SSBP3: variants seen among roughly 807,000 people sequenced by gnomAD.
SSBP3 encodes single stranded DNA binding protein 3, also known as single-stranded DNA-binding protein 3.
Under a neutral mutation model 69.6 loss-of-function variants are expected in SSBP3, and 5 were observed. The observed-to-expected ratio is 0.07, with a 90% confidence interval of 0.04 to 0.15. The LOEUF (loss-of-function observed/expected upper bound fraction) is 0.15. Among genes scored for constraint, SSBP3 ranks in the 10% least tolerant of loss-of-function variants. SSBP3 has a pLI of 1.00. For missense variants in SSBP3, 312 were observed against 534.0 expected (o/e 0.58, Z 4.10); for synonymous variants, 196 against 193.4 (o/e 1.01, Z -0.11).
intron 9 of SSBP3, among the ~76,000 whole-genome samples, chr1:54,250,015 A>C (rs1296007147): frequency 3.3e-5 from 5 of 152,242 alleles, no homozygotes; most frequent in Admixed American, 6.5e-5. Context: ...ATAAAATGTG[A>C]CTGCTGTGTG....
At chr1:54,302,370 A>G (rs1355543079) in intron 4 of SSBP3, among the ~76,000 whole-genome samples, 1 of 149,820 alleles carries the variant, frequency 6.7e-6, no homozygotes, top group Non-Finnish European at 1.5e-5. Context: ...CCCAGGCTGG[A>G]ATGCAGTGGC....
intron 4 of SSBP3, among the ~76,000 whole-genome samples, chr1:54,289,387 G>C (rs184362091): frequency 6.6e-6 from 1 of 151,888 alleles, no homozygotes; most frequent in Admixed American, 6.6e-5. Context: ...GAAACAAGGT[G>C]GGGGGTGGGG....
Position 54,250,541 on chromosome 1 carries a change from T to TG in SSBP3, c.651+1074dup, listed in dbSNP as rs5774179. Among the ~76,000 whole-genome samples the TG allele has an allele frequency of 3.5e-3, 513 of 144,514 alleles. 3 individuals carry two copies. Among genetic ancestry groups the TG allele is most frequent in the Non-Finnish European group, 4.8e-3 (314 of 65,574 alleles). The allele number at this position is 144,514 out of a possible 152,430, so 94.8% of individuals were successfully genotyped here. On this transcript the variant is annotated intron_variant, in intron 9 of 17. Coordinates refer to ENST00000610401, the Ensembl canonical transcript of SSBP3. ...AAAAGGGAGCACGTGTGGGCGGGAA[T>TG]GGGGGGGGGCACTACTCCACCCTCA...
chr1:54,397,875 C>T (rs1271046349), intron 4 of SSBP3, among the ~76,000 whole-genome samples: 2 of 152,192 alleles, frequency 1.3e-5, no homozygotes, highest in Non-Finnish European at 2.9e-5. Flanking sequence ...ACAACAAACC[C>T]CCTTCCCAGA....
At chr1:54,293,945 T>G (rs917370895) in intron 4 of SSBP3, among the ~76,000 whole-genome samples, 1 of 151,876 alleles carries the variant, frequency 6.6e-6, no homozygotes, top group Non-Finnish European at 1.5e-5. Context: ...GAGACCACCC[T>G]GACCAACATG....
intron 4 of SSBP3, among the ~76,000 whole-genome samples, chr1:54,401,443 A>G (rs1649293756): frequency 6.6e-6 from 1 of 152,158 alleles, no homozygotes; most frequent in African/African-American, 2.4e-5. Context: ...GTAGAGCAAG[A>G]GAGTCCATTC....
chr1:54,318,797 G>A (rs1006966743), intron 4 of SSBP3, among the ~76,000 whole-genome samples: 1 of 152,068 alleles, frequency 6.6e-6, no homozygotes, highest in African/African-American at 2.4e-5. Flanking sequence ...AGATATTCCA[G>A]ACTATTATAT....
At chr1:54,316,779 G>C (rs146376156) in intron 4 of SSBP3, among the ~76,000 whole-genome samples, 382 of 151,872 alleles carry the variant, frequency 2.5e-3, no homozygotes, top group Non-Finnish European at 3.7e-3. Flanking sequence ...CCTTCGCGTG[G>C]GTACTTTATA....
chr1:54,290,825 T>C (rs1645592210), intron 4 of SSBP3, among the ~76,000 whole-genome samples: 1 of 152,238 alleles, frequency 6.6e-6, no homozygotes, highest in South Asian at 2.1e-4. Flanking sequence ...CCCCCCTAGA[T>C]GAACACTGCA....
intron 4 of SSBP3, among the ~76,000 whole-genome samples, chr1:54,324,087 C>T (rs957159148): frequency 6.6e-6 from 1 of 152,196 alleles, no homozygotes; most frequent in African/African-American, 2.4e-5. Context: ...AGAGGTTAAG[C>T]GTGTTGCCTG....
chr1:54,404,653 C>T lies in SSBP3; in HGVS notation c.130-16G>A, dbSNP rs751191969. The T allele has an allele frequency of 6.8e-6, 11 of 1,613,784 alleles. No homozygotes were observed. In the Admixed American group the frequency reaches 1.3e-4, roughly 20 times the overall value. ...CCCATCGAATCTGGAAAGGTAAGAG[C>T]AGAAGCAGCTTAGAGGAGCAGAGAC... On this transcript the variant is annotated splice_polypyrimidine_tract_variant and intron_variant, in intron 2 of 17. Coordinates refer to ENST00000610401, the Ensembl canonical transcript of SSBP3.
chr1:54,401,963 A>C lies in SSBP3; in HGVS notation c.192-18T>G, dbSNP rs767552983. On this transcript the variant is annotated intron_variant, in intron 3 of 17. Coordinates refer to ENST00000610401, the Ensembl canonical transcript of SSBP3. ...AAAATACACTGCGAGGAGGAAAATA[A>C]AATAAGGTCAGGTTACTAATTATTA... is the stretch of plus-strand genomic sequence containing the variant. The C allele has an allele frequency of 1.9e-6, 3 of 1,608,040 alleles. No homozygotes were observed. The South Asian group carries it at 3.3e-5, about 18-fold the overall frequency.
chr1:54,389,401 C>T (rs1331409109), intron 4 of SSBP3, among the ~76,000 whole-genome samples: 1 of 152,092 alleles, frequency 6.6e-6, no homozygotes, highest in South Asian at 2.1e-4. Context: ...AAAACCAGCC[C>T]AATCCCTCTA....
chr1:54,339,772 G>A (rs1384152434), intron 4 of SSBP3, among the ~76,000 whole-genome samples: 1 of 152,150 alleles, frequency 6.6e-6, no homozygotes, highest in Non-Finnish European at 1.5e-5. Context: ...AATTAGCCGG[G>A]CATGTTGGCG....
intron 4 of SSBP3, among the ~76,000 whole-genome samples, chr1:54,291,156 C>CT (rs35439741): frequency 0.11 from 16,533 of 151,018 alleles, 957 homozygotes; most frequent in African/African-American, 0.14. Flanking sequence ...CTTCTAGAAA[C>CT]TTTTTTTTTT....
intron 4 of SSBP3, among the ~76,000 whole-genome samples, chr1:54,397,689 C>T (rs1475434434): frequency 6.6e-6 from 1 of 152,158 alleles, no homozygotes; most frequent in African/African-American, 2.4e-5. Flanking sequence ...CATGGAACTC[C>T]ATGTCCATTT....
At chr1:54,367,576 T>G (rs1647048981) in intron 4 of SSBP3, among the ~76,000 whole-genome samples, 1 of 152,198 alleles carries the variant, frequency 6.6e-6, no homozygotes, top group Non-Finnish European at 1.5e-5. Flanking sequence ...GTCCCAGCAC[T>G]CTGGTGCCAG....
intron 4 of SSBP3, among the ~76,000 whole-genome samples, chr1:54,373,271 A>G (rs978058611): frequency 6.6e-6 from 1 of 152,164 alleles, no homozygotes; most frequent in Non-Finnish European, 1.5e-5. Context: ...GAAATTTTCA[A>G]CAGCCTCTGG....
At position 54,258,516 on chromosome 1, in the gene SSBP3, C is replaced by T. The variant is rs1432654870; in HGVS notation, c.367-367G>A. 6.6e-6 allele frequency among the ~76,000 whole-genome samples: 1 copy of T among 152,214 alleles called. No individual in the cohort carries two copies. Reference sequence around the variant, plus strand: ...CAGAGGGAGTACAATGATGCACAGACACAGGGACCCAGGTGCAAAGCACGT... The same window carrying T: ...CAGAGGGAGTACAATGATGCACAGATACAGGGACCCAGGTGCAAAGCACGT... On this transcript the variant is annotated intron_variant, in intron 5 of 17. Transcript: ENST00000610401. The surrounding 1 kb of genome is among the most constrained non-coding windows in gnomAD (Gnocchi z 4.5).
Sources: gnomAD v4.1 joint callset for allele counts (sites outside exome capture counted in the v4.1 genomes callset) on GRCh38, gnomAD v4.1.1 for gene constraint, Gnocchi (gnomAD v3.1) non-coding constraint, MANE v1.5 for transcripts, NCBI Gene and HGNC (gene_info 2026-07-23, HGNC 2026-07-21) for gene names.